MAPKAP1: variants seen among roughly 807,000 people sequenced by gnomAD.
MAPKAP1 encodes target of rapamycin complex 2 subunit MAPKAP1.
A neutral mutation model predicts 65.7 loss-of-function variants in MAPKAP1; 20 were observed. The observed-to-expected ratio is 0.30, with a 90% CI of 0.21 to 0.44. The LOEUF (loss-of-function observed/expected upper bound fraction) is 0.44. Among genes scored for constraint, MAPKAP1 ranks in the 20% least tolerant of loss-of-function variants. The pLI, the probability that MAPKAP1 is intolerant of heterozygous loss-of-function variation, is 1.00. For synonymous variants in MAPKAP1, 222 were observed against 244.3 expected, an observed-to-expected ratio of 0.91 and a Z score of 0.85; for missense variants, 423 against 648.0, an observed-to-expected ratio of 0.65 and a Z score of 3.77.
At chr9:125,516,068 T>C (rs966583316) in intron 7 of MAPKAP1, among the ~76,000 whole-genome samples, 1 of 152,168 alleles carries the variant, frequency 6.6e-6, no homozygotes, top group Admixed American at 6.5e-5. Flanking sequence ...AATGATCAAT[T>C]TCCTCCAACT....
chr9:125,678,493 T>G (rs1834722298), intron 1 of MAPKAP1, among the ~76,000 whole-genome samples: 1 of 152,136 alleles, frequency 6.6e-6, no homozygotes, highest in Non-Finnish European at 1.5e-5. Context: ...CCGCCCGCCT[T>G]GGCATTCCAA....
intron 1 of MAPKAP1, among the ~76,000 whole-genome samples, chr9:125,704,689 C>A (rs1835705837): frequency 6.6e-6 from 1 of 152,190 alleles, no homozygotes; most frequent in Non-Finnish European, 1.5e-5. Context: ...CTGACCCCTA[C>A]CGCCCCTCCA....
intron 10 of MAPKAP1, among the ~76,000 whole-genome samples, chr9:125,452,776 G>A (rs529457437): frequency 6.6e-6 from 1 of 151,986 alleles, no homozygotes; most frequent in East Asian, 1.9e-4. Flanking sequence ...CCTGAGGCTG[G>A]GCTGGGAGGC....
At chr9:125,503,921 G>A (rs2133078316) in intron 8 of MAPKAP1, among the ~76,000 whole-genome samples, 1 of 90,894 alleles carries the variant, frequency 1.1e-5, no homozygotes, top group Admixed American at 1.5e-4. Context: ...ATTTTTGGTA[G>A]AGACGGGGGT....
chr9:125,596,472 G>A, intron 4 of MAPKAP1: 1 of 754,438 alleles, frequency 1.3e-6, no homozygotes, highest in Non-Finnish European at 2.4e-6. Context: ...ACAACAATCA[G>A]TCTTCAAATT....
At chr9:125,459,854 G>GGGGAGAGGGAGA (rs141623896) in intron 10 of MAPKAP1, among the ~76,000 whole-genome samples, 63,292 of 125,992 alleles carry the variant, frequency 0.5, 16,907 homozygotes, top group East Asian at 0.75. Context: ...GGGAGACCGT[G>GGGGAGAGGGAGA]GGGAGAGGGA....
chr9:125,668,352 C>A (rs1266976621), intron 3 of MAPKAP1, among the ~76,000 whole-genome samples: 1 of 152,164 alleles, frequency 6.6e-6, no homozygotes, highest in African/African-American at 2.4e-5. Flanking sequence ...AAGATCACTG[C>A]AATAGAGGTA....
chr9:125,467,522 T>C (rs1355593955), intron 10 of MAPKAP1, among the ~76,000 whole-genome samples: 1 of 152,202 alleles, frequency 6.6e-6, no homozygotes, highest in Admixed American at 6.5e-5. Flanking sequence ...TCCGGCATGA[T>C]GGATATATCT....
At chr9:125,554,794 CAAAAAA>C (rs56911891) in intron 6 of MAPKAP1, among the ~76,000 whole-genome samples, 20 of 65,642 alleles carry the variant, frequency 3.0e-4, no homozygotes, top group African/African-American at 8.9e-4. Context: ...AGACACTTAT[CAAAAAA>C]AAAAAAAAAA....
intron 4 of MAPKAP1, among the ~76,000 whole-genome samples, chr9:125,592,374 C>A (rs1831990727): frequency 6.6e-6 from 1 of 152,146 alleles, no homozygotes; most frequent in African/African-American, 2.4e-5. Flanking sequence ...GGAGTTCCCT[C>A]TGAGACACGG....
At chr9:125,651,130 C>T (rs755578574) in intron 4 of MAPKAP1, among the ~76,000 whole-genome samples, 3 of 152,104 alleles carry the variant, frequency 2.0e-5, no homozygotes, top group East Asian at 1.9e-4. Flanking sequence ...CTGTGCCCGG[C>T]GATCCTTCTA....
At chr9:125,697,666 C>T (rs901340465) in intron 1 of MAPKAP1, among the ~76,000 whole-genome samples, 17 of 152,096 alleles carry the variant, frequency 1.1e-4, no homozygotes, top group Non-Finnish European at 4.4e-5. Flanking sequence ...GAATATCTTT[C>T]GACATCTCTG....
At chr9:125,448,531 G>A (rs1852805327) in intron 10 of MAPKAP1, among the ~76,000 whole-genome samples, 1 of 152,156 alleles carries the variant, frequency 6.6e-6, no homozygotes, top group Non-Finnish European at 1.5e-5. Flanking sequence ...AGAGGAAGAG[G>A]GGGCCAATGA....
intron 4 of MAPKAP1, among the ~76,000 whole-genome samples, chr9:125,617,344 C>T (rs2416965): frequency 0.02 from 2,995 of 152,200 alleles, 163 homozygotes; most frequent in East Asian, 0.15. Flanking sequence ...GCCTAGCGTC[C>T]TAGCTACTAC....
At chr9:125,495,922 T>C (rs1854924859) in intron 8 of MAPKAP1, among the ~76,000 whole-genome samples, 1 of 152,250 alleles carries the variant, frequency 6.6e-6, no homozygotes, top group Admixed American at 6.5e-5. Context: ...CAAGCTATGG[T>C]GTCTGTGACA....
intron 10 of MAPKAP1, among the ~76,000 whole-genome samples, chr9:125,450,083 C>T (rs1382354028): frequency 4.0e-5 from 6 of 151,896 alleles, no homozygotes; most frequent in Admixed American, 1.3e-4. Context: ...CCACCATGCC[C>T]GGCTATCATT....
intron 8 of MAPKAP1, 56 bp downstream of exon 8, chr9:125,506,254 C>CT: frequency 6.8e-7 from 1 of 1,473,470 alleles, no homozygotes; most frequent in Non-Finnish European, 9.5e-7. Context: ...AAACACATGA[C>CT]TTCTAAGCAA....
chr9:125,490,131 G>A (rs1412077896), intron 8 of MAPKAP1, among the ~76,000 whole-genome samples: 4 of 152,202 alleles, frequency 2.6e-5, no homozygotes, highest in African/African-American at 4.8e-5. Flanking sequence ...GGTGGTGGTG[G>A]TGGTGGGGAA....
chr9:125,669,974 A>G (rs1834449419), intron 2 of MAPKAP1, 67 bp from the exon 3 acceptor site: 1 of 908,224 alleles, frequency 1.1e-6, no homozygotes, highest in African/African-American at 1.7e-5. Flanking sequence ...GACATAATTA[A>G]CTACCTTTAC....
Sources: gnomAD v4.1 joint callset for allele counts (sites outside exome capture counted in the v4.1 genomes callset) on GRCh38, gnomAD v4.1.1 for gene constraint, MANE v1.5 for transcripts, NCBI Gene and HGNC (gene_info 2026-07-23, HGNC 2026-07-21) for gene names.